Variants in MAP2K6 observed in about 807,000 individuals in gnomAD.
The protein encoded by MAP2K6 is mitogen-activated protein kinase kinase 6.
MAP2K6 carries 16 observed loss-of-function variants against 53.7 expected under a neutral mutation model. The observed-to-expected ratio is 0.30, with a 90% CI of 0.20 to 0.45. MAP2K6 has a LOEUF of 0.45. MAP2K6 is among the 20% of genes least tolerant of loss of function. The pLI, the probability that MAP2K6 is intolerant of heterozygous loss-of-function variation, is 1.00. For synonymous variants in MAP2K6, 132 were observed against 143.1 expected (o/e 0.92, Z 0.55); for missense variants, 204 against 411.9 (o/e 0.50, Z 4.37).
At chr17:69,463,603 C>CCT (rs889559477) in intron 1 of MAP2K6, among the ~76,000 whole-genome samples, 1 of 147,250 alleles carries the variant, frequency 6.8e-6, no homozygotes, top group African/African-American at 2.5e-5. Flanking sequence ...TAGCTAGCTC[C>CCT]CTCTCTCTCT....
chr17:69,534,296 A>T (rs1450208041), intron 10 of MAP2K6, among the ~76,000 whole-genome samples: 1 of 152,152 alleles, frequency 6.6e-6, no homozygotes, highest in Non-Finnish European at 1.5e-5. Flanking sequence ...ACACATTCCC[A>T]TATCAATCAG....
intron 10 of MAP2K6, among the ~76,000 whole-genome samples, chr17:69,530,310 GC>G (rs1253110873): frequency 1.3e-5 from 2 of 151,850 alleles, no homozygotes; most frequent in African/African-American, 4.8e-5. Context: ...GCAAGATCCT[GC>G]CAAAATAAGA....
At chr17:69,432,079 G>T in intron 1 of MAP2K6, among the ~76,000 whole-genome samples, 1 of 152,164 alleles carries the variant, frequency 6.6e-6, no homozygotes, top group African/African-American at 2.4e-5. Context: ...ACAGTCAAAT[G>T]GCTGATGTCA....
intron 4 of MAP2K6, among the ~76,000 whole-genome samples, chr17:69,518,738 A>G (rs1910305498): frequency 6.6e-6 from 1 of 152,164 alleles, no homozygotes; most frequent in African/African-American, 2.4e-5. Context: ...GTGATATTGT[A>G]TCTCTCCTAT....
chr17:69,526,760 C>T, intron 10 of MAP2K6, 51 bp downstream of exon 10: 3 of 1,586,502 alleles, frequency 1.9e-6, no homozygotes, highest in Non-Finnish European at 2.6e-6. Context: ...AAGATGAGTT[C>T]TCATGAATTT....
rs975640815 is a variant in MAP2K6, at chr17:69,541,951, A to T, written c.*198A>T. Reference sequence around the variant, plus strand: ...CTATAGTATAGAATGAACTGTCTAGATGGATGAATTATGATAAAGGCTTAG... The same window carrying T: ...CTATAGTATAGAATGAACTGTCTAGTTGGATGAATTATGATAAAGGCTTAG... On this transcript the variant is annotated 3_prime_UTR_variant, in exon 12 of 12. Coordinates refer to ENST00000590474, the MANE Select transcript of MAP2K6 (RefSeq NM_002758.4). 3 of 402,418 alleles carry T rather than the reference A, an allele frequency of 7.5e-6. No homozygotes were observed. The highest frequency in any genetic ancestry group is 4.7e-6 in the Non-Finnish European group (1 of 212,682). 24.9% of individuals were successfully genotyped at this position (402,418 alleles called of 1,614,324 possible).
At chr17:69,496,174 G>T (rs1428700095) in intron 1 of MAP2K6, among the ~76,000 whole-genome samples, 1 of 151,902 alleles carries the variant, frequency 6.6e-6, no homozygotes, top group African/African-American at 2.4e-5. Flanking sequence ...CCAATTAGCG[G>T]ATGGACAGGC....
Position 69,546,605 on chromosome 17 carries a change from C to T in MAP2K6, c.*4852C>T, listed in dbSNP as rs1380203239. The T allele has an allele frequency of 2.0e-5, 3 of 152,172 alleles. No homozygotes were observed. The highest frequency in any genetic ancestry group is 4.4e-5 in the Non-Finnish European group (3 of 68,024). The allele number at this position is 152,172 out of a possible 1,614,324, so 9.4% of individuals were successfully genotyped here. On this transcript the variant is annotated 3_prime_UTR_variant, in exon 12 of 12. Transcript: ENST00000590474. ...ACAATGGATACCTAGTTCCTAATTTCCTACCCAAATGCTGTTTTGGCTGTG... is the reference window on the plus strand; with the variant it reads ...ACAATGGATACCTAGTTCCTAATTTTCTACCCAAATGCTGTTTTGGCTGTG...
intron 1 of MAP2K6, chr17:69,477,405 A>C (rs182144413): frequency 3.0e-4 from 46 of 152,314 alleles, no homozygotes; most frequent in African/African-American, 1.1e-3. Flanking sequence ...GCTGTCCCAG[A>C]AGCTTTCTTC....
chr17:69,502,114 T>A (rs1909200800), intron 1 of MAP2K6: 1 of 955,150 alleles, frequency 1.0e-6, no homozygotes. Context: ...GATTTATTCC[T>A]CCAAGTCTGG....
At chr17:69,423,703 C>T (rs1183677352) in intron 1 of MAP2K6, among the ~76,000 whole-genome samples, 4 of 152,116 alleles carry the variant, frequency 2.6e-5, no homozygotes, top group Non-Finnish European at 4.4e-5. Flanking sequence ...CTAAGTTACC[C>T]GTCTCCTTTT....
chr17:69,552,164 T>C lies in MAP2K6; in HGVS notation c.*10411T>C, dbSNP rs1425169906. The C allele has an allele frequency of 1.3e-5, 2 of 152,234 alleles. No homozygotes were observed. The highest frequency in any genetic ancestry group is 4.8e-5 in the African/African-American group (2 of 41,464). The allele number at this position is 152,234 out of a possible 1,614,324, so 9.4% of individuals were successfully genotyped here. A position where few individuals can be genotyped will look rare whatever the true frequency, so the allele number is the denominator to read the frequency against. ...GCACCCTAAAGTTATTTTCAAACCA[T>C]GTTTATTGCAAAGAGAGCCTTTGGG... On this transcript the variant is annotated 3_prime_UTR_variant, in exon 12 of 12. Coordinates refer to ENST00000590474, the MANE Select transcript of MAP2K6 (RefSeq NM_002758.4).
At chr17:69,440,474 A>G (rs1006761917) in intron 1 of MAP2K6, among the ~76,000 whole-genome samples, 10 of 152,040 alleles carry the variant, frequency 6.6e-5, no homozygotes, top group African/African-American at 1.9e-4. Context: ...TTCCTTTTCA[A>G]TACCACCCAT....
intron 1 of MAP2K6, among the ~76,000 whole-genome samples, chr17:69,449,849 G>A (rs932389840): frequency 1.3e-5 from 2 of 151,034 alleles, no homozygotes. Flanking sequence ...TCCTGACCTC[G>A]TGATCCGCCC....
At position 69,507,593 on chromosome 17, in the gene MAP2K6, A is replaced by AT. The variant is rs200524774; in HGVS notation, c.83+1756dup. Among the ~76,000 whole-genome samples the AT allele has an allele frequency of 5.0e-3, 709 of 142,790 alleles. 3 individuals carry two copies. The highest frequency in any genetic ancestry group is 0.02 in the African/African-American group (667 of 33,252). 93.7% of individuals were successfully genotyped at this position (142,790 alleles called of 152,430 possible). A position where few individuals can be genotyped will look rare whatever the true frequency, so the allele number is the denominator to read the frequency against. On this transcript the variant is annotated intron_variant, in intron 2 of 11. Transcript: ENST00000590474. The stretch of plus-strand genomic sequence containing the variant: ...ACAAAATCATGCATCTCTTTTTGAG[A>AT]TTTTTTTTTGTTCAATGTAATTTTA...
chr17:69,450,101 AT>A (rs55956707), intron 1 of MAP2K6, among the ~76,000 whole-genome samples: 49,555 of 124,150 alleles, frequency 0.4, 10,362 homozygotes, highest in Non-Finnish European at 0.48. Flanking sequence ...CACCTGGCTA[AT>A]TTTTTTTTTT....
chr17:69,541,690 C>T lies in MAP2K6; in HGVS notation c.942C>T (p.Phe314=). Residue 314 remains phenylalanine (F), a synonymous_variant, in exon 12 of 12, where the codon TTC becomes TTT. Transcript: ENST00000590474. ...TTCTTTTCCAGCAACATCCATTTTT[C>T]ACCCTACATGAATCCAAAGGAACAG... ...TYPELMQHPF[F]TLHESKGTDV... 2.5e-6 allele frequency: 4 copies of T among 1,612,008 alleles called. No homozygotes were observed. The highest frequency in any genetic ancestry group is 3.4e-6 in the Non-Finnish European group (4 of 1,178,620).
At chr17:69,504,577 A>G (rs1318015790) in intron 1 of MAP2K6, 2 of 152,048 alleles carry the variant, frequency 1.3e-5, no homozygotes, top group South Asian at 2.1e-4. Context: ...GCCTGGGCAG[A>G]AGGTAGCATT....
rs192725159 is a variant in MAP2K6 at position 69,480,787 on chromosome 17, T to A, written c.17-24993T>A. Among the ~76,000 whole-genome samples, 1,507 of 152,310 alleles carry A rather than the reference T, an allele frequency of 9.9e-3. 11 individuals carry two copies. Among genetic ancestry groups the A allele is most frequent in the Non-Finnish European group, 0.015 (1,024 of 68,034 alleles). On this transcript the variant is annotated intron_variant, in intron 1 of 11. Transcript: ENST00000590474. The stretch of plus-strand genomic sequence containing the variant: ...GAGGTAATAGAAAAAAAAAGTTTTT[T>A]AAAAAATTTTATTTAAAATGGAAAA...
Sources: allele counts gnomAD v4.1 joint callset (sites outside exome capture counted in the v4.1 genomes callset), GRCh38; gene constraint gnomAD v4.1.1; transcripts MANE v1.5; gene names NCBI Gene and HGNC (gene_info 2026-07-23, HGNC 2026-07-21).